Variants in TAP1 observed in about 807,000 individuals in gnomAD.
TAP1 encodes antigen peptide transporter 1.
A neutral mutation model predicts 79.3 loss-of-function variants in TAP1; 56 were observed. The ratio of observed to expected loss-of-function variants is 0.71; its 90% confidence interval spans 0.57 to 0.88. TAP1 has a LOEUF of 0.88. TAP1 is among the 40% of genes least tolerant of loss of function. The pLI, the probability that TAP1 is intolerant of heterozygous loss-of-function variation, is 0.00. For synonymous variants in TAP1, 355 were observed against 401.4 expected (o/e 0.88, Z 1.38); for missense variants, 737 against 936.3 (o/e 0.79, Z 2.78).
In TAP1 at chr6:32,848,673, G is replaced by C. The variant is rs773340708; in HGVS notation, c.1545C>G (p.Arg515=). ...FQDVSFAYPN[R]PDVLVLQGLT... is the part of the protein sequence containing the mutation. ...GTACCTGTAGCACTAAGACATCTGG[G>C]CGGTTTGGGTAGGCAAAGGAGACAT... Residue 515 remains arginine, a synonymous_variant, in exon 7 of 11, where the codon CGC becomes CGG. Coordinates refer to ENST00000354258, the MANE Select transcript of TAP1 (RefSeq NM_000593.6). 10 of 1,614,024 alleles carry C rather than the reference G, an allele frequency of 6.2e-6. No homozygotes were observed. The highest frequency in any genetic ancestry group is 1.7e-4 in the Middle Eastern group (1 of 6,036).
At chr6:32,846,715 A>G (rs1770435615) in intron 10 of TAP1, among the ~76,000 whole-genome samples, 1 of 152,014 alleles carries the variant, frequency 6.6e-6, no homozygotes, top group Non-Finnish European at 1.5e-5. Context: ...GCTACTCGGG[A>G]GGCTGAGGGG....
Position 32,847,154 on chromosome 6 carries a change from C to A in TAP1, c.1954G>T (p.Ala652Ser). ...TTCCGGATCAATGCTCGGGCCAACGCCACTGCCTGTCGCTGACCCCCTGAC... is the reference window on the plus strand; with the variant it reads ...TTCCGGATCAATGCTCGGGCCAACGACACTGCCTGTCGCTGACCCCCTGAC... Reference protein sequence around the residue: ...QLSGGQRQAVALARALIRKPC... With the variant: ...QLSGGQRQAVSLARALIRKPC... The change falls in exon 10 of 11, where the codon GCG (alanine) becomes TCG (serine). Residue 652 changes from alanine to serine, a missense_variant. Around this residue, in one of 5 missense-constraint regions of TAP1, gnomAD observed 266 missense variants for 332.4 expected, o/e 0.80. Coordinates refer to ENST00000354258, the MANE Select transcript of TAP1 (RefSeq NM_000593.6). The surrounding 1 kb of genome is among the most constrained non-coding windows in gnomAD (Gnocchi z 4.7). The A allele has an allele frequency of 6.2e-7, 1 of 1,612,896 alleles. No individual in the cohort carries two copies.
At position 32,852,514 on chromosome 6, in the gene TAP1, GAA is replaced by G; in HGVS notation, c.599-14_599-13del. On this transcript the variant is annotated splice_polypyrimidine_tract_variant and intron_variant, in intron 1 of 10. Transcript: ENST00000354258. This position sits in a 1 kb window ranked among gnomAD's most constrained non-coding sequence, Gnocchi z 4.8. ...AATGGCCATCTCCCCTGGAGAAAGA[GAA>G]GAGAGGTCACGCACAAATATTAAGT... The G allele has an allele frequency of 6.2e-7, 1 of 1,613,060 alleles. No individual in the cohort carries two copies. Among genetic ancestry groups the G allele is most frequent in the Non-Finnish European group, 8.5e-7 (1 of 1,180,008 alleles).
chr6:32,847,907 C>T lies in TAP1; in HGVS notation c.1740+12G>A, dbSNP rs1392530407. ...TGCTCCCTGCCCTCCTTCAAGCCACCTGCTTCCATACCTGCCTGTGCAGGT... is the reference window on the plus strand; with the variant it reads ...TGCTCCCTGCCCTCCTTCAAGCCACTTGCTTCCATACCTGCCTGTGCAGGT... On this transcript the variant is annotated intron_variant, in intron 8 of 10. Transcript: ENST00000354258. This position sits in a 1 kb window ranked among gnomAD's most constrained non-coding sequence, Gnocchi z 4.7. 6.2e-7 allele frequency: 1 copy of T among 1,613,000 alleles called. No homozygotes were observed. Among genetic ancestry groups the T allele is most frequent in the African/African-American group, 1.3e-5 (1 of 74,942 alleles).
In TAP1 at chr6:32,850,889, T is replaced by C; in HGVS notation, c.1050+55A>G. On this transcript the variant is annotated intron_variant, in intron 4 of 10. Coordinates refer to ENST00000354258, the MANE Select transcript of TAP1 (RefSeq NM_000593.6). The surrounding 1 kb of genome is among the most constrained non-coding windows in gnomAD (Gnocchi z 5.5). Reference sequence around the variant, plus strand: ...AAAGCAATGTGAGAGGAACTGAGTCTGCCAAGTCTGGGAGATGAGGGTCTG... The same window carrying C: ...AAAGCAATGTGAGAGGAACTGAGTCCGCCAAGTCTGGGAGATGAGGGTCTG... 6.6e-7 allele frequency: 1 copy of C among 1,511,758 alleles called. No homozygotes were observed. The allele number at this position is 1,511,758 out of a possible 1,614,324, so 93.6% of individuals were successfully genotyped here. A position where few individuals can be genotyped will look rare whatever the true frequency, so the allele number is the denominator to read the frequency against.
At position 32,848,464 on chromosome 6, in the gene TAP1, C is replaced by A. The variant is rs138353968; in HGVS notation, c.1566+188G>T. The stretch of plus-strand genomic sequence containing the variant: ...TCTCTTCGAAACCTCTTCTCTCATT[C>A]TCTTTGGAAGCCCAAACTGGGTTCT... On this transcript the variant is annotated intron_variant, in intron 7 of 10. Coordinates refer to ENST00000354258, the MANE Select transcript of TAP1 (RefSeq NM_000593.6). 2.2e-3 allele frequency among the ~76,000 whole-genome samples: 340 copies of A among 152,382 alleles called. 4 individuals are homozygous for A. In the South Asian group the frequency reaches 0.025, roughly 11 times the overall value.
At chr6:32,846,087 C>A (rs11257) in intron 10 of TAP1, 31,712 of 482,752 alleles carry the variant, frequency 0.066, 1,531 homozygotes, top group African/African-American at 0.17. Context: ...TTTTTATATT[C>A]GATTTTAAGG....
intron 5 of TAP1, chr6:32,849,394 C>CT: frequency 1.8e-6 from 1 of 553,474 alleles, no homozygotes; most frequent in Non-Finnish European, 3.2e-6. Context: ...GTGATGTCAG[C>CT]TAATACATGA....
rs751251947 is a variant in TAP1 at position 32,853,198 on chromosome 6, C to A, written c.439G>T (p.Ala147Ser). 4 of 1,611,968 alleles carry A rather than the reference C, an allele frequency of 2.5e-6. No homozygotes were observed. The highest frequency in any genetic ancestry group is 2.5e-6 in the Non-Finnish European group (3 of 1,179,542). The change falls in exon 1 of 11, where the codon GCA (alanine) becomes TCA (serine). Residue 147 changes from alanine to serine, a missense_variant. Around this residue, in one of 5 missense-constraint regions of TAP1, gnomAD observed 406 missense variants for 477.2 expected, o/e 0.85. Transcript: ENST00000354258. The surrounding 1 kb of genome is among the most constrained non-coding windows in gnomAD (Gnocchi z 8.3). Reference sequence around the variant, plus strand: ...TGCCACAGGGCTGCTGCGGGCAGTGCCGCTGCATAACTGACAACGAAGGCG... The same window carrying A: ...TGCCACAGGGCTGCTGCGGGCAGTGACGCTGCATAACTGACAACGAAGGCG... ...PTAFVVSYAA[A>S]LPAAALWHKL...
Position 32,845,451 on chromosome 6 carries a change from A to C in TAP1, c.*128T>G. 1 of 871,934 alleles carries C rather than the reference A, an allele frequency of 1.1e-6. No homozygotes were observed. The highest frequency in any genetic ancestry group is 1.4e-5 in the South Asian group (1 of 71,368). 54.0% of individuals were successfully genotyped at this position (871,934 alleles called of 1,614,324 possible). A position where few individuals can be genotyped will look rare whatever the true frequency, so the allele number is the denominator to read the frequency against. ...CATTATCACGAGGAGCTTGGAAAGG[A>C]GGTAACACACTCAAGGCAAATTTCA... is the stretch of plus-strand genomic sequence containing the variant. On this transcript the variant is annotated 3_prime_UTR_variant, in exon 11 of 11. Transcript: ENST00000354258. This position sits in a 1 kb window ranked among gnomAD's most constrained non-coding sequence, Gnocchi z 4.5.
In TAP1 at chr6:32,850,364, G is replaced by A; in HGVS notation, c.1204C>T (p.Gln402Ter). The change falls in exon 5 of 11, where the codon CAG becomes TAG. Residue 402 changes from glutamine to a stop codon, truncating the protein, a stop_gained. Coordinates refer to ENST00000354258, the MANE Select transcript of TAP1 (RefSeq NM_000593.6). LOFTEE classifies it high-confidence loss of function. This position sits in a 1 kb window ranked among gnomAD's most constrained non-coding sequence, Gnocchi z 5.5. ...ACTGCATAGGCCACAGCCTCCTTCTGGTTGAGTGTCTTTATTTCTTGCAGC... is the reference window on the plus strand; with the variant it reads ...ACTGCATAGGCCACAGCCTCCTTCTAGTTGAGTGTCTTTATTTCTTGCAGC... ...EKLQEIKTLN[Q>*]KEAVAYAVNS... 6.2e-7 allele frequency: 1 copy of A among 1,614,250 alleles called. No individual in the cohort carries two copies. Among genetic ancestry groups the A allele is most frequent in the Non-Finnish European group, 8.5e-7 (1 of 1,180,058 alleles).
At position 32,850,136 on chromosome 6, in the gene TAP1, T is replaced by C. The variant is rs142231801; in HGVS notation, c.1248+184A>G. On this transcript the variant is annotated intron_variant, in intron 5 of 10. Transcript: ENST00000354258. The surrounding 1 kb of genome is among the most constrained non-coding windows in gnomAD (Gnocchi z 5.5). The stretch of plus-strand genomic sequence containing the variant: ...CATACTGAAAGGAAGCCACCTAGCA[T>C]CTTTAAAGAGAGGGAGGGGGCTAGG... The C allele has an allele frequency of 1.1e-3, 755 of 692,152 alleles. 2 individuals are homozygous for C. In the Middle Eastern group the frequency reaches 0.014, roughly 13 times the overall value. The allele number at this position is 692,152 out of a possible 1,614,324, so 42.9% of individuals were successfully genotyped here.
At position 32,845,939 on chromosome 6, in the gene TAP1, G is replaced by A. The variant is rs1445499068; in HGVS notation, c.2041-154C>T. On this transcript the variant is annotated intron_variant, in intron 10 of 10. Coordinates refer to ENST00000354258, the MANE Select transcript of TAP1 (RefSeq NM_000593.6). The surrounding 1 kb of genome is among the most constrained non-coding windows in gnomAD (Gnocchi z 4.5). ...CGTTTCCCATTCTGAGTACTTCTCC[G>A]CAAACCCTTTGTTTCATTAAGGACT... 3.7e-5 allele frequency: 25 copies of A among 684,274 alleles called. No homozygotes were observed. The highest frequency in any genetic ancestry group is 5.5e-5 in the East Asian group (2 of 36,604). The allele number at this position is 684,274 out of a possible 1,614,324, so 42.4% of individuals were successfully genotyped here.
At position 32,853,349 on chromosome 6, in the gene TAP1, C is replaced by A. The variant is rs758497915; in HGVS notation, c.288G>T (p.Leu96Phe). The change falls in exon 1 of 11, where the codon TTG becomes TTT. Residue 96 changes from leucine (L) to phenylalanine (F), a missense_variant. Physicochemically the swap from Leu to Phe is conservative, Grantham distance 22. Transcript: ENST00000354258. The surrounding 1 kb of genome is among the most constrained non-coding windows in gnomAD (Gnocchi z 8.3). ...AGCCCAGTGCCGCAGCTAATGGCTT[C>A]AAAGCAGCCAGCCAGCCCTGGGCAC... ...NAGAQGWLAALKPLAAALGLA... is the reference protein window; with the variant it reads ...NAGAQGWLAAFKPLAAALGLA... 6.3e-7 allele frequency: 1 copy of A among 1,586,096 alleles called. No homozygotes were observed. Among genetic ancestry groups the A allele is most frequent in the Non-Finnish European group, 8.6e-7 (1 of 1,166,106 alleles).
In TAP1 at chr6:32,848,828, T is replaced by C; in HGVS notation, c.1390A>G (p.Ile464Val). ...ACAGCCTTCTGTACTCTGGGGTAGA[T>C]GGAGAGCAGTACCTAGAGGGAGGTA... ...FTQAVEVLLS[I>V]YPRVQKAVGS... The change falls in exon 7 of 11, where the codon ATC (isoleucine) becomes GTC (valine). Residue 464 changes from isoleucine (I) to valine (V), a missense_variant. Coordinates refer to ENST00000354258, the MANE Select transcript of TAP1 (RefSeq NM_000593.6). The C allele has an allele frequency of 1.2e-6, 2 of 1,613,906 alleles. No individual in the cohort carries two copies. The highest frequency in any genetic ancestry group is 8.5e-7 in the Non-Finnish European group (1 of 1,180,034).
Position 32,851,141 on chromosome 6 carries a change from T to C in TAP1, c.853A>G (p.Met285Val), listed in dbSNP as rs1486242116. The C allele has an allele frequency of 6.2e-7, 1 of 1,612,752 alleles. No homozygotes were observed. Among genetic ancestry groups the C allele is most frequent in the African/African-American group, 1.3e-5 (1 of 74,906 alleles). The change falls in exon 4 of 11, where the codon ATG becomes GTG. Residue 285 changes from methionine (M) to valine (V), a missense_variant. This residue lies in a region of TAP1 where 406 missense variants were observed against 477.2 expected (regional missense o/e 0.85). Coordinates refer to ENST00000354258, the MANE Select transcript of TAP1 (RefSeq NM_000593.6). This position sits in a 1 kb window ranked among gnomAD's most constrained non-coding sequence, Gnocchi z 4.8. ...GACGTGTCCTCTGTTACCCGAGACA[T>C]GATGTTACCTGCAGGGTTGGGGAGA... ...FFQQNQTGNI[M>V]SRVTEDTSTL...
Position 32,847,930 on chromosome 6 carries a change from G to T in TAP1, c.1729C>A (p.Leu577Met). 6.2e-7 allele frequency: 1 copy of T among 1,613,124 alleles called. No individual in the cohort carries two copies. Reference sequence around the variant, plus strand: ...ACCTGCTTCCATACCTGCCTGTGCAGGTAGCGGTGCTCATATTGGGGAAGG... The same window carrying T: ...ACCTGCTTCCATACCTGCCTGTGCATGTAGCGGTGCTCATATTGGGGAAGG... ...KPLPQYEHRYLHRQVAAVGQE... is the reference protein window; with the variant it reads ...KPLPQYEHRYMHRQVAAVGQE... Residue 577 changes from leucine (L) to methionine (M), a missense_variant, in exon 8 of 11, where the codon CTG becomes ATG. Around this residue, in one of 5 missense-constraint regions of TAP1, gnomAD observed 266 missense variants for 332.4 expected, o/e 0.80. Coordinates refer to ENST00000354258, the MANE Select transcript of TAP1 (RefSeq NM_000593.6). This position sits in a 1 kb window ranked among gnomAD's most constrained non-coding sequence, Gnocchi z 4.7.
In TAP1 at chr6:32,852,770, G is replaced by A. The variant is rs1770872718; in HGVS notation, c.599-268C>T. On this transcript the variant is annotated intron_variant, in intron 1 of 10. Coordinates refer to ENST00000354258, the MANE Select transcript of TAP1 (RefSeq NM_000593.6). This position sits in a 1 kb window ranked among gnomAD's most constrained non-coding sequence, Gnocchi z 4.8. ...CTCCTGTTAGAGATGAGGATGCCCC[G>A]CCCTTCGGCCCCAGAGCAAAGGATT... 1.4e-6 allele frequency: 2 copies of A among 1,440,848 alleles called. No individual in the cohort carries two copies. The highest frequency in any genetic ancestry group is 2.5e-5 in the East Asian group (1 of 40,216). The allele number at this position is 1,440,848 out of a possible 1,614,324, so 89.3% of individuals were successfully genotyped here. A position where few individuals can be genotyped will look rare whatever the true frequency, so the allele number is the denominator to read the frequency against.
rs565701007 is a variant in TAP1, at chr6:32,847,253, C to T, written c.1904-49G>A. On this transcript the variant is annotated intron_variant, in intron 9 of 10. Coordinates refer to ENST00000354258, the MANE Select transcript of TAP1 (RefSeq NM_000593.6). This position sits in a 1 kb window ranked among gnomAD's most constrained non-coding sequence, Gnocchi z 4.7. ...AGAACGGTATAGCCACATGTGTGCA[C>T]GCATGTACATGCACACAGACACACT... 1.3e-4 allele frequency: 201 copies of T among 1,596,668 alleles called. 2 individuals carry two copies. Among genetic ancestry groups the T allele is most frequent in the South Asian group, 1.1e-3 (98 of 90,840 alleles).
Sources: allele counts gnomAD v4.1 joint callset (sites outside exome capture counted in the v4.1 genomes callset), GRCh38; gene constraint gnomAD v4.1.1; regional missense constraint gnomAD v4.1.1; non-coding constraint Gnocchi (gnomAD v3.1); transcripts MANE v1.5; gene names NCBI Gene and HGNC (gene_info 2026-07-23, HGNC 2026-07-21).